ERG: variants seen among roughly 807,000 people sequenced by gnomAD.
ERG encodes the protein ETS transcription factor ERG.
Under a neutral mutation model 55.3 loss-of-function variants are expected in ERG, and 9 were observed. The ratio of observed to expected loss-of-function variants is 0.16; its 90% CI spans 0.10 to 0.28. The LOEUF is 0.28. ERG is among the 10% of genes least tolerant of loss of function. The pLI, the probability that ERG is intolerant of heterozygous loss-of-function variation, is 1.00. For synonymous variants in ERG, 223 were observed against 237.3 expected (o/e 0.94, Z 0.55); for missense variants, 434 against 631.6 (o/e 0.69, Z 3.35).
intron 2 of ERG, among the ~76,000 whole-genome samples, chr21:38,506,440 T>C (rs2059461286): frequency 6.6e-6 from 1 of 152,152 alleles, no homozygotes; most frequent in Non-Finnish European, 1.5e-5. Flanking sequence ...GGTCCCTTCC[T>C]TTCTCAAAAA....
chr21:38,614,182 A>G (rs1411167132), intron 1 of ERG, among the ~76,000 whole-genome samples: 1 of 152,184 alleles, frequency 6.6e-6, no homozygotes, highest in Non-Finnish European at 1.5e-5. Context: ...TCCTACATAT[A>G]ACTTATATGT....
intron 1 of ERG, among the ~76,000 whole-genome samples, chr21:38,492,152 A>C (rs1055760900): frequency 6.6e-6 from 1 of 152,232 alleles, no homozygotes; most frequent in Non-Finnish European, 1.5e-5. Flanking sequence ...GAAGGGAGAC[A>C]GATTTGTGTG....
At chr21:38,440,751 T>C (rs888057300) in intron 2 of ERG, among the ~76,000 whole-genome samples, 4 of 138,116 alleles carry the variant, frequency 2.9e-5, no homozygotes, top group Non-Finnish European at 6.1e-5. Flanking sequence ...ATTGTGCCAT[T>C]GCATTCCAGC....
chr21:38,450,573 C>T (rs1230836392), intron 1 of ERG, among the ~76,000 whole-genome samples: 2 of 152,052 alleles, frequency 1.3e-5, no homozygotes, highest in Admixed American at 6.6e-5. Flanking sequence ...CACATATAAC[C>T]ACGCAGAATT....
chr21:38,477,758 A>G (rs2059202095), intron 1 of ERG, among the ~76,000 whole-genome samples: 1 of 152,228 alleles, frequency 6.6e-6, no homozygotes, highest in African/African-American at 2.4e-5. Flanking sequence ...GGGGTACACA[A>G]TATGCCTAGC....
At chr21:38,445,356 A>G (rs2146556130) in intron 2 of ERG, 48 bp downstream of exon 2, 1 of 1,497,870 alleles carries the variant, frequency 6.7e-7, no homozygotes, top group East Asian at 2.3e-5. Flanking sequence ...TTTGCAAAGG[A>G]TAGGAAAATG....
intron 1 of ERG, among the ~76,000 whole-genome samples, chr21:38,644,324 G>T (rs1488555576): frequency 5.4e-5 from 3 of 56,000 alleles, no homozygotes; most frequent in African/African-American, 2.3e-4. Context: ...ACTATAACAA[G>T]ATGGGAAGAC....
rs77885368 is a variant in ERG, at chr21:38,613,611, G to A, written c.-149-28666C>T. On this transcript the variant is annotated intron_variant, in intron 1 of 10. Transcript: ENST00000398910. ...TGCTCGCCGCTCACTGTGAAGGCAA[G>A]CAGGCTTCTGCCTCAGTTTTTTCCC... 5.2e-3 allele frequency among the ~76,000 whole-genome samples: 795 copies of A among 152,334 alleles called. 2 individuals are homozygous for A. The highest frequency in any genetic ancestry group is 0.01 in the Middle Eastern group (3 of 292).
At chr21:38,370,602 G>T in the ERG span, among the ~76,000 whole-genome samples, 1 of 151,924 alleles carries the variant, frequency 6.6e-6, no homozygotes, top group African/African-American at 2.4e-5. Context: ...ATTTTTACAT[G>T]TGGTATTATG....
the ERG span, among the ~76,000 whole-genome samples, chr21:38,374,064 A>G: frequency 6.6e-6 from 1 of 152,218 alleles, no homozygotes; most frequent in African/African-American, 2.4e-5. Context: ...GAAGAGATAG[A>G]AGCCACTTGA....
chr21:38,507,084 T>C (rs1194849487), intron 2 of ERG, among the ~76,000 whole-genome samples: 5 of 152,084 alleles, frequency 3.3e-5, no homozygotes, highest in Non-Finnish European at 7.4e-5. Context: ...TAAAAGACGC[T>C]GGCTCGACAA....
Position 38,383,168 on chromosome 21 carries a change from A to C in ERG, c.*235T>G, listed in dbSNP as rs1205357390. The C allele has an allele frequency of 1.1e-5, 14 of 1,231,494 alleles. No homozygotes were observed. The East Asian group carries it at 4.1e-4, about 36-fold the overall frequency. 76.3% of individuals were successfully genotyped at this position (1,231,494 alleles called of 1,614,324 possible). On this transcript the variant is annotated 3_prime_UTR_variant, in exon 10 of 10. Coordinates refer to ENST00000288319, the MANE Select transcript of ERG (RefSeq NM_182918.4). The surrounding 1 kb of genome is among the most constrained non-coding windows in gnomAD (Gnocchi z 5.7). ...TACATACACTGTCTTTTACAAGGTC[A>C]GTCCACAGATGATATGTCCATATTC...
chr21:38,573,925 A>G (rs2836525), intron 2 of ERG, among the ~76,000 whole-genome samples: 16,139 of 152,244 alleles, frequency 0.11, 993 homozygotes, highest in East Asian at 0.23. Flanking sequence ...TTCATTCCTG[A>G]AATCAAATAT....
chr21:38,625,921 T>C (rs977695456), intron 1 of ERG, among the ~76,000 whole-genome samples: 2 of 140,478 alleles, frequency 1.4e-5, no homozygotes, highest in African/African-American at 5.3e-5. Context: ...AGCTCTTTTT[T>C]TTTTTTTTTT....
intron 6 of ERG, among the ~76,000 whole-genome samples, chr21:38,398,607 T>C (rs1988338924): frequency 6.6e-6 from 1 of 152,132 alleles, no homozygotes; most frequent in African/African-American, 2.4e-5. Context: ...CACCCTTGCC[T>C]TCCCTGGGTT....
intron 1 of ERG, among the ~76,000 whole-genome samples, chr21:38,450,440 T>C (rs541673709): frequency 2.6e-5 from 4 of 152,184 alleles, no homozygotes; most frequent in Non-Finnish European, 5.9e-5. Flanking sequence ...CTTGCTGCTA[T>C]CACAACACAG....
chr21:38,429,067 C>G (rs564626457), intron 2 of ERG, among the ~76,000 whole-genome samples: 39 of 152,246 alleles, frequency 2.6e-4, no homozygotes, highest in Non-Finnish European at 5.3e-4. Context: ...TCCCCAAAGT[C>G]CACTGTATCA....
At chr21:38,539,740 C>T (rs1345900078) in intron 2 of ERG, among the ~76,000 whole-genome samples, 4 of 152,012 alleles carry the variant, frequency 2.6e-5, no homozygotes, top group African/African-American at 9.7e-5. Context: ...TGTGCATAGA[C>T]GAGGAGCGGC....
At chr21:38,617,441 A>C (rs1281951328) in intron 1 of ERG, among the ~76,000 whole-genome samples, 1 of 152,204 alleles carries the variant, frequency 6.6e-6, no homozygotes, top group African/African-American at 2.4e-5. Context: ...AAGGTTGGGA[A>C]TTCTTCACAC....
Sources: allele counts gnomAD v4.1 joint callset (sites outside exome capture counted in the v4.1 genomes callset), GRCh38; gene constraint gnomAD v4.1.1; non-coding constraint Gnocchi (gnomAD v3.1); transcripts MANE v1.5; gene names NCBI Gene and HGNC (gene_info 2026-07-23, HGNC 2026-07-21).